Variants in MAGI2 observed in about 807,000 individuals in gnomAD.
The protein encoded by MAGI2 is membrane-associated guanylate kinase, WW and PDZ domain-containing protein 2.
In MAGI2, 35 loss-of-function variants were observed where a neutral mutation model predicts 133.3. That is an observed-to-expected ratio of 0.26 (90% confidence interval 0.20 to 0.35). MAGI2 has a LOEUF of 0.35. Among genes scored for constraint, MAGI2 ranks in the 10% least tolerant of loss-of-function variants. The pLI, the probability that MAGI2 is intolerant of heterozygous loss-of-function variation, is 1.00. For missense variants in MAGI2, 1,636 were observed against 1,863.4 expected (o/e 0.88, Z 2.25); for synonymous variants, 729 against 710.6 (o/e 1.03, Z -0.41).
At chr7:79,361,372 C>G (rs848905) in intron 1 of MAGI2, among the ~76,000 whole-genome samples, 76,210 of 151,616 alleles carry the variant, frequency 0.5, 20,657 homozygotes, top group African/African-American at 0.71. Context: ...AAATGATATG[C>G]AAGGAGGGAA....
In MAGI2 at chr7:78,605,953, G is replaced by A. The variant is rs760606871; in HGVS notation, c.538+21167C>T. 2.0e-4 allele frequency among the ~76,000 whole-genome samples: 31 copies of A among 152,264 alleles called. 1 individual carries two copies. Among genetic ancestry groups the A allele is most frequent in the South Asian group, 6.2e-4 (3 of 4,822 alleles). ...AGAAAGACAGGTAAGGACACTACTC[G>A]TTGGCGACCTCTGAAATGACGACTG... On this transcript the variant is annotated intron_variant, in intron 3 of 21. Coordinates refer to ENST00000354212, the MANE Select transcript of MAGI2 (RefSeq NM_012301.4).
intron 6 of MAGI2, among the ~76,000 whole-genome samples, chr7:78,392,869 C>T (rs1216135878): frequency 6.6e-6 from 1 of 151,976 alleles, no homozygotes; most frequent in Non-Finnish European, 1.5e-5. Flanking sequence ...TTTTGAACTC[C>T]CAACCTCAGG....
At chr7:78,446,122 GA>G (rs1788110901) in intron 6 of MAGI2, among the ~76,000 whole-genome samples, 1 of 148,596 alleles carries the variant, frequency 6.7e-6, no homozygotes, top group African/African-American at 2.5e-5. Flanking sequence ...ATGTTTCTCT[GA>G]ATTTTTTGAA....
chr7:78,316,465 G>A (rs891913476), intron 9 of MAGI2, among the ~76,000 whole-genome samples: 5 of 152,166 alleles, frequency 3.3e-5, no homozygotes, highest in African/African-American at 7.2e-5. Flanking sequence ...TTTCAGAAAA[G>A]ATGCTTTACT....
chr7:79,135,513 A>G (rs963434884), intron 1 of MAGI2, among the ~76,000 whole-genome samples: 15 of 152,204 alleles, frequency 9.9e-5, no homozygotes, highest in African/African-American at 3.6e-4. Flanking sequence ...TTTATGGGAT[A>G]GAGGAAGAGT....
intron 1 of MAGI2, chr7:79,409,863 A>G (rs1846036937): frequency 6.6e-6 from 1 of 152,110 alleles, no homozygotes; most frequent in Non-Finnish European, 1.5e-5. Context: ...TTTTCTTATG[A>G]AAACAAAGGA....
At chr7:78,372,793 A>G (rs1794054246) in intron 6 of MAGI2, among the ~76,000 whole-genome samples, 1 of 152,128 alleles carries the variant, frequency 6.6e-6, no homozygotes, top group Non-Finnish European at 1.5e-5. Flanking sequence ...AGCATGCTAT[A>G]TTTTTTAAAT....
intron 7 of MAGI2, chr7:78,350,070 C>A (rs974996047): frequency 3.3e-5 from 5 of 152,142 alleles, no homozygotes; most frequent in African/African-American, 7.2e-5. Context: ...AAGCTAAAAG[C>A]GTAAGAGTCA....
At chr7:78,530,083 A>C (rs1035400028) in intron 3 of MAGI2, among the ~76,000 whole-genome samples, 4 of 152,254 alleles carry the variant, frequency 2.6e-5, no homozygotes. Context: ...AGCCTCAGAT[A>C]ATCCCTTTCA....
At chr7:79,084,052 A>T (rs1349471865) in intron 1 of MAGI2, among the ~76,000 whole-genome samples, 7 of 151,524 alleles carry the variant, frequency 4.6e-5, no homozygotes, top group Non-Finnish European at 1.5e-5. Flanking sequence ...CTTCTTTCTT[A>T]GTCAGTTTAC....
At chr7:79,215,617 C>T (rs1045599236) in intron 1 of MAGI2, among the ~76,000 whole-genome samples, 1 of 151,958 alleles carries the variant, frequency 6.6e-6, no homozygotes, top group African/African-American at 2.4e-5. Flanking sequence ...TTGAATACAC[C>T]TATGACCTGG....
At chr7:79,205,799 C>T (rs1462464920) in intron 1 of MAGI2, among the ~76,000 whole-genome samples, 1 of 150,566 alleles carries the variant, frequency 6.6e-6, no homozygotes, top group Non-Finnish European at 1.5e-5. Context: ...AAGTTGTAAT[C>T]ATCTTAAAAT....
chr7:78,401,675 C>T (rs1796880758), intron 6 of MAGI2, among the ~76,000 whole-genome samples: 1 of 152,094 alleles, frequency 6.6e-6, no homozygotes, highest in Non-Finnish European at 1.5e-5. Flanking sequence ...ATAGTTCCTT[C>T]TCCTTCTTTT....
At chr7:78,096,838 A>C (rs1482812185) in intron 20 of MAGI2, among the ~76,000 whole-genome samples, 1 of 152,166 alleles carries the variant, frequency 6.6e-6, no homozygotes, top group Non-Finnish European at 1.5e-5. Context: ...CTAATTAAAC[A>C]TAAGAGCTTA....
intron 2 of MAGI2, among the ~76,000 whole-genome samples, chr7:78,708,210 C>A (rs912943573): frequency 6.6e-6 from 1 of 152,092 alleles, no homozygotes; most frequent in Non-Finnish European, 1.5e-5. Flanking sequence ...TTTCTTCATT[C>A]GAATGCATTC....
At chr7:78,670,277 AACAG>A (rs1403308992) in intron 2 of MAGI2, among the ~76,000 whole-genome samples, 1 of 152,176 alleles carries the variant, frequency 6.6e-6, no homozygotes, top group African/African-American at 2.4e-5. Flanking sequence ...ATACACCAAT[AACAG>A]ACAAACAGAG....
intron 6 of MAGI2, among the ~76,000 whole-genome samples, chr7:78,413,924 T>TTTTTACTCA (rs1481869450): frequency 1.3e-5 from 2 of 152,102 alleles, no homozygotes; most frequent in African/African-American, 4.8e-5. Context: ...GAATCCATGT[T>TTTTTACTCA]GTATTTAGAC....
intron 15 of MAGI2, among the ~76,000 whole-genome samples, chr7:78,161,363 A>G (rs1824958740): frequency 6.6e-6 from 1 of 152,180 alleles, no homozygotes; most frequent in Admixed American, 6.5e-5. Context: ...CACCTAGAAT[A>G]ATGTAATTAG....
intron 6 of MAGI2, 132 bp from the exon 7 acceptor site, chr7:78,369,345 A>C (rs560165408): frequency 1.6e-6 from 1 of 625,506 alleles, no homozygotes; most frequent in East Asian, 2.8e-5. Flanking sequence ...GTCAGCAGCA[A>C]ATTTCAGAAC....
Sources: gnomAD v4.1 joint callset for allele counts (sites outside exome capture counted in the v4.1 genomes callset) on GRCh38, gnomAD v4.1.1 for gene constraint, MANE v1.5 for transcripts, NCBI Gene and HGNC (gene_info 2026-07-23, HGNC 2026-07-21) for gene names.